The following EI24 variants were observed in gnomAD, a reference collection of about 807,000 sequenced individuals.
EI24 encodes EI24 autophagy associated transmembrane protein.
A neutral mutation model predicts 48.6 loss-of-function variants in EI24; 21 were observed. The observed-to-expected ratio is 0.43, with a 90% CI of 0.31 to 0.62. EI24 has a LOEUF of 0.62. Among genes scored for constraint, EI24 ranks in the 20% least tolerant of loss-of-function variants. The pLI, the probability that EI24 is intolerant of heterozygous loss-of-function variation, is 0.10. For synonymous variants in EI24, 114 were observed against 145.5 expected (o/e 0.78, Z 1.56); for missense variants, 280 against 410.5 (o/e 0.68, Z 2.75).
chr11:125,578,161 G>A lies in EI24; in HGVS notation c.345G>A (p.Trp115Ter), dbSNP rs757313787. 6.2e-7 allele frequency: 1 copy of A among 1,613,588 alleles called. No homozygotes were observed. Among genetic ancestry groups the A allele is most frequent in the Admixed American group, 1.7e-5 (1 of 60,016 alleles). Residue 115 changes from tryptophan (W) to a stop codon, truncating the protein, a stop_gained, in exon 6 of 11, where the codon TGG becomes TGA. Coordinates refer to ENST00000278903, the MANE Select transcript of EI24 (RefSeq NM_004879.5). LOFTEE classifies it high-confidence loss of function. ...IGDPSLHGDV[W>*]SWLEFFLTSI... is the part of the protein sequence containing the mutation. Reference sequence around the variant, plus strand: ...ACCCATCACTACATGGAGATGTTTGGTCGTGGCTGGAATTCTTCCTCACGT... The same window carrying A: ...ACCCATCACTACATGGAGATGTTTGATCGTGGCTGGAATTCTTCCTCACGT...
rs1389504706 is a variant in EI24, at chr11:125,572,487, T to A, written c.-41T>A. ...TTCATGATGAGAGATTTGGGGACAC[T>A]TCTCTCTCCTGTGTGTAGTTGATAG... On this transcript the variant is annotated 5_prime_UTR_variant, in exon 2 of 11. Transcript: ENST00000278903. The A allele has an allele frequency of 1.3e-6, 2 of 1,595,466 alleles. No individual in the cohort carries two copies. The highest frequency in any genetic ancestry group is 1.3e-5 in the African/African-American group (1 of 74,594).
At chr11:125,572,711 A>G in intron 2 of EI24, 142 bp downstream of exon 2, 2 of 755,784 alleles carry the variant, frequency 2.6e-6, no homozygotes, top group Non-Finnish European at 4.3e-6. Context: ...ATTCTAGACC[A>G]CACTACTCAA....
chr11:125,573,278 C>G (rs1009026803), intron 2 of EI24, among the ~76,000 whole-genome samples: 2 of 152,162 alleles, frequency 1.3e-5, no homozygotes, highest in Non-Finnish European at 1.5e-5. Context: ...CTATAAAGAT[C>G]TGGTTAGGAC....
rs368640507 is a variant in EI24 at position 125,583,622 on chromosome 11, C to T, written c.962C>T (p.Ala321Val). Residue 321 changes from alanine (A) to valine (V), a missense_variant, in exon 11 of 11, where the codon GCA (alanine) becomes GTA (valine). By Grantham distance (64) the Ala-to-Val change is moderately conservative. Transcript: ENST00000278903. Reference protein sequence around the residue: ...LQSALSSSTSAEKFPSPHPSP... With the variant: ...LQSALSSSTSVEKFPSPHPSP... The stretch of plus-strand genomic sequence containing the variant: ...TCGGCCCTGAGCAGCTCTACTTCTG[C>T]AGAGAAGTTCCCTTCACCGCATCCG... 179 of 1,613,324 alleles carry T rather than the reference C, an allele frequency of 1.1e-4. 1 individual carries two copies. The highest frequency in any genetic ancestry group is 8.2e-4 in the South Asian group (75 of 91,006).
intron 9 of EI24, among the ~76,000 whole-genome samples, chr11:125,581,982 G>GACTC (rs1177175998): frequency 1.3e-5 from 2 of 151,978 alleles, no homozygotes; most frequent in African/African-American, 4.8e-5. Context: ...CAGATTACCT[G>GACTC]AGGTCAGGAG....
chr11:125,570,154 C>T (rs760550978), intron 1 of EI24: 8 of 152,200 alleles, frequency 5.3e-5, no homozygotes, highest in Non-Finnish European at 8.8e-5. Context: ...CAAAAATCTT[C>T]ATTGCAAAGC....
chr11:125,577,862 C>T (rs763370019), intron 5 of EI24: 28 of 575,592 alleles, frequency 4.9e-5, no homozygotes, highest in Non-Finnish European at 6.8e-5. Flanking sequence ...CTGCAGATAG[C>T]GTACTGGTAA....
At chr11:125,570,493 T>G (rs1474970075) in intron 1 of EI24, 1 of 152,214 alleles carries the variant, frequency 6.6e-6, no homozygotes, top group Admixed American at 6.5e-5. Context: ...GATTTATCCT[T>G]CATAGGTCAC....
chr11:125,578,480 CTTTTT>C (rs370986926), intron 6 of EI24, among the ~76,000 whole-genome samples: 482 of 84,674 alleles, frequency 5.7e-3, no homozygotes, highest in African/African-American at 0.021. Flanking sequence ...TTCGTTTTGG[CTTTTT>C]TTTTTTTTTT....
chr11:125,577,723 G>C (rs182753786), intron 5 of EI24, 153 bp downstream of exon 5: 1 of 661,754 alleles, frequency 1.5e-6, no homozygotes, highest in Non-Finnish European at 2.4e-6. Flanking sequence ...TTTATATTTC[G>C]TTATTCTCCT....
chr11:125,575,431 C>T, intron 3 of EI24, 23 bp downstream of exon 3: 2 of 1,545,334 alleles, frequency 1.3e-6, no homozygotes, highest in Non-Finnish European at 1.8e-6. Context: ...TGCCTGATAT[C>T]AAAATGTCCA....
intron 3 of EI24, chr11:125,575,680 TA>T: frequency 3.8e-6 from 1 of 262,238 alleles, no homozygotes; most frequent in South Asian, 4.6e-5. Context: ...ATTTATGTAT[TA>T]ATAGAAGAAC....
At chr11:125,582,249 C>A in intron 9 of EI24, 97 bp from the exon 10 acceptor site, 1 of 1,132,526 alleles carries the variant, frequency 8.8e-7, no homozygotes, top group Non-Finnish European at 1.2e-6. Flanking sequence ...ATAATGTTTA[C>A]ACTGGAAGCA....
At chr11:125,575,489 A>C (rs1938702915) in intron 3 of EI24, 81 bp downstream of exon 3, 4 of 1,382,570 alleles carry the variant, frequency 2.9e-6, no homozygotes, top group African/African-American at 2.9e-5. Flanking sequence ...GTGCCATTTT[A>C]TTTCTTTTGT....
chr11:125,582,466 G>A (rs2135875880), intron 10 of EI24, 46 bp downstream of exon 10: 3 of 1,408,952 alleles, frequency 2.1e-6, no homozygotes, highest in Non-Finnish European at 2.9e-6. Context: ...AAAGGGTTGG[G>A]GCTGTAACAC....
rs775846678 is a variant in EI24 at position 125,577,489 on chromosome 11, G to T, written c.250-15G>T. 6.2e-6 allele frequency: 10 copies of T among 1,608,128 alleles called. No homozygotes were observed. Among genetic ancestry groups the T allele is most frequent in the African/African-American group, 1.3e-5 (1 of 74,454 alleles). ...ACTGGATTTTGATGTTTGCCTTGTT[G>T]CTTCTTTTCTTTAGTTCAGTCTCCT... On this transcript the variant is annotated splice_polypyrimidine_tract_variant and intron_variant, in intron 4 of 10. Coordinates refer to ENST00000278903, the MANE Select transcript of EI24 (RefSeq NM_004879.5).
In EI24 at chr11:125,581,415, ACAT is replaced by A. The variant is rs1938987750; in HGVS notation, c.785+100_785+102del. On this transcript the variant is annotated intron_variant, in intron 9 of 10. Coordinates refer to ENST00000278903, the MANE Select transcript of EI24 (RefSeq NM_004879.5). Reference sequence around the variant, plus strand: ...TTTGCTTCGTTCTGTTTCGCATTCTACATCATCATTTGTCCATCAGGAGACCTG... The same window carrying A: ...TTTGCTTCGTTCTGTTTCGCATTCTACATCATTTGTCCATCAGGAGACCTG... The A allele has an allele frequency of 3.3e-5, 23 of 700,144 alleles. 1 individual carries two copies. In the South Asian group the frequency reaches 4.5e-4, roughly 14 times the overall value. The allele number at this position is 700,144 out of a possible 1,614,324, so 43.4% of individuals were successfully genotyped here. A position where few individuals can be genotyped will look rare whatever the true frequency, so the allele number is the denominator to read the frequency against.
intron 10 of EI24, 122 bp from the exon 11 acceptor site, chr11:125,583,399 T>C (rs966814506): frequency 7.2e-6 from 6 of 828,000 alleles, no homozygotes; most frequent in East Asian, 2.7e-5. Context: ...TGTATTTCCT[T>C]GATCAAGTTT....
Position 125,581,317 on chromosome 11 carries a change from T to C in EI24, c.780T>C (p.Ile260=). The C allele has an allele frequency of 6.3e-7, 1 of 1,598,826 alleles. No individual in the cohort carries two copies. Among genetic ancestry groups the C allele is most frequent in the Non-Finnish European group, 8.6e-7 (1 of 1,169,564 alleles). The change falls in exon 9 of 11, where the codon ATT becomes ATC. Residue 260 remains isoleucine, a synonymous_variant. Coordinates refer to ENST00000278903, the MANE Select transcript of EI24 (RefSeq NM_004879.5). ...AFLTAMQSSY[I]ISGCLFSILF... The stretch of plus-strand genomic sequence containing the variant: ...TCACAGCAATGCAGTCCTCATATAT[T>C]ATCAGGTAATTTGGCTACAGGGATT...
Sources: allele counts gnomAD v4.1 joint callset (sites outside exome capture counted in the v4.1 genomes callset), GRCh38; gene constraint gnomAD v4.1.1; transcripts MANE v1.5; gene names NCBI Gene and HGNC (gene_info 2026-07-23, HGNC 2026-07-21).